KANSL3: variants seen among roughly 807,000 people sequenced by gnomAD.
KANSL3 encodes the protein NSL complex protein NSL3.
Under a neutral mutation model 89.2 loss-of-function variants are expected in KANSL3, and 16 were observed. The ratio of observed to expected loss-of-function variants is 0.18; its 90% CI spans 0.12 to 0.27. KANSL3 has a LOEUF of 0.27. KANSL3 is among the 10% of genes least tolerant of loss of function. The pLI is 1.00. For missense variants in KANSL3, 879 were observed against 1,110.6 expected (o/e 0.79, Z 2.96); for synonymous variants, 385 against 419.7 (o/e 0.92, Z 1.01).
intron 20 of KANSL3, 48 bp downstream of exon 20, chr2:96,601,595 C>T (rs1369866627): frequency 3.1e-6 from 5 of 1,595,024 alleles, no homozygotes; most frequent in Non-Finnish European, 3.4e-6. Context: ...TGGTCTTAAA[C>T]TTCCCAATAA....
intron 10 of KANSL3, 61 bp from the exon 11 acceptor site, chr2:96,610,944 A>T (rs879907639): frequency 3.8e-6 from 6 of 1,596,762 alleles, no homozygotes; most frequent in Non-Finnish European, 5.1e-6. Flanking sequence ...TGACCCAGAA[A>T]CTCCACTAAG....
chr2:96,630,422 A>G (rs2073171816), intron 3 of KANSL3, among the ~76,000 whole-genome samples: 1 of 124,918 alleles, frequency 8.0e-6, no homozygotes, highest in South Asian at 2.2e-4. Context: ...GCCAGTAGGA[A>G]AAGACCACAT....
In KANSL3 at chr2:96,631,473, G is replaced by A. The variant is rs368585928; in HGVS notation, c.225C>T (p.Asp75=). The A allele has an allele frequency of 7.0e-5, 110 of 1,567,798 alleles. 1 individual carries two copies. In the African/African-American group the frequency reaches 1.1e-3, roughly 15 times the overall value. Residue 75 remains aspartate, a synonymous_variant, in exon 3 of 21, where the codon GAC becomes GAT. Transcript: ENST00000431828. ...RRQHESTIES[D]VPIDVETVTS... is the part of the protein sequence containing the mutation. ...TGACCGTCTCCACATCTATTGGGAC[G>A]TCTGATTCACTGTAAACAGGTGAGG...
chr2:96,629,344 T>C (rs1020985329), intron 3 of KANSL3, among the ~76,000 whole-genome samples: 1 of 152,188 alleles, frequency 6.6e-6, no homozygotes, highest in East Asian at 1.9e-4. Context: ...TTTTTTGAGA[T>C]GGTGTTTCAC....
chr2:96,609,024 G>C lies in KANSL3; in HGVS notation c.1424C>G (p.Ala475Gly). 6 of 1,564,672 alleles carry C rather than the reference G, an allele frequency of 3.8e-6. No homozygotes were observed. Among genetic ancestry groups the C allele is most frequent in the Non-Finnish European group, 5.2e-6 (6 of 1,154,318 alleles). ...VDFLTGVLTR[A>G]EGHMGSEPRD... The stretch of plus-strand genomic sequence containing the variant: ...AGGTTCAGAGCCCATGTGACCCTCA[G>C]CACGAGTGAGCACTCCAGTCAGAAA... Residue 475 changes from alanine (A) to glycine (G), a missense_variant, in exon 13 of 21, where the codon GCT (alanine) becomes GGT (glycine). Physicochemically the swap from Ala to Gly is moderately conservative, Grantham distance 60. Coordinates refer to ENST00000431828, the MANE Select transcript of KANSL3 (RefSeq NM_001115016.3).
chr2:96,636,992 G>A lies in KANSL3; in HGVS notation c.144C>T (p.His48=). Residue 48 remains histidine, a synonymous_variant, in exon 2 of 21, where the codon CAC becomes CAT. Transcript: ENST00000431828. ...TGGGGCGGGCACTACTGGCATCTGG[G>A]TGGGCACTCCAAGGCTTGGCATAGC... The part of the protein sequence containing the change: ...DHSYAKPWSA[H]PDASSARPTR... The A allele has an allele frequency of 6.4e-7, 1 of 1,551,554 alleles. No individual in the cohort carries two copies. Among genetic ancestry groups the A allele is most frequent in the Non-Finnish European group, 8.7e-7 (1 of 1,146,920 alleles).
the KANSL3 span, among the ~76,000 whole-genome samples, chr2:96,586,577 ACTTC>A: frequency 2.0e-5 from 3 of 152,210 alleles, no homozygotes; most frequent in Non-Finnish European, 4.4e-5. Context: ...GTAAAAAATT[ACTTC>A]CTTGTTTTTT....
At chr2:96,604,484 A>G in intron 16 of KANSL3, 104 bp from the exon 17 acceptor site, 2 of 1,340,660 alleles carry the variant, frequency 1.5e-6, no homozygotes, top group South Asian at 2.8e-5. Flanking sequence ...TTTCAGCAGC[A>G]GACATACACC....
intron 3 of KANSL3, among the ~76,000 whole-genome samples, chr2:96,622,409 C>CAA (rs781666671): frequency 4.6e-5 from 5 of 108,158 alleles, no homozygotes; most frequent in Admixed American, 9.4e-5. Flanking sequence ...GACCTCGTCT[C>CAA]AAAAAAAAAA....
intron 2 of KANSL3, among the ~76,000 whole-genome samples, chr2:96,633,253 C>CA (rs1203356042): frequency 5.2e-4 from 71 of 137,408 alleles, no homozygotes; most frequent in Admixed American, 8.8e-4. Flanking sequence ...GACCTCGGCC[C>CA]AAAAAAAAAA....
intron 3 of KANSL3, among the ~76,000 whole-genome samples, chr2:96,629,875 T>A (rs903123318): frequency 2.6e-5 from 4 of 152,154 alleles, no homozygotes; most frequent in African/African-American, 9.7e-5. Context: ...ACTCCTGATA[T>A]AAGAAGTAAC....
intron 18 of KANSL3, among the ~76,000 whole-genome samples, chr2:96,602,544 A>T (rs2067334794): frequency 6.6e-6 from 1 of 152,242 alleles, no homozygotes; most frequent in Non-Finnish European, 1.5e-5. Flanking sequence ...TTTTATAGAC[A>T]AAGAAACAAA....
chr2:96,598,908 CAAAAAAAAA>C (rs10551331), intron 20 of KANSL3, among the ~76,000 whole-genome samples: 36 of 44,968 alleles, frequency 8.0e-4, no homozygotes, highest in African/African-American at 2.3e-3. Context: ...GAGACTGTCT[CAAAAAAAAA>C]AAAAAAAAAA....
chr2:96,623,878 C>T (rs535154518), intron 3 of KANSL3, among the ~76,000 whole-genome samples: 4 of 152,352 alleles, frequency 2.6e-5, no homozygotes, highest in Admixed American at 6.5e-5. Flanking sequence ...TCTTCAGAAG[C>T]GCCCTCCATC....
chr2:96,605,518 C>T lies in KANSL3; in HGVS notation c.1742-7G>A. 1 of 1,610,980 alleles carries T rather than the reference C, an allele frequency of 6.2e-7. No homozygotes were observed. Among genetic ancestry groups the T allele is most frequent in the Middle Eastern group, 1.7e-4 (1 of 6,042 alleles). On this transcript the variant is annotated splice_region_variant and splice_polypyrimidine_tract_variant and intron_variant, in intron 14 of 20. Coordinates refer to ENST00000431828, the MANE Select transcript of KANSL3 (RefSeq NM_001115016.3). ...GGTTCTGATGAAATGGGAACTAAGACATGGAGCTGAGTTGAGATCCTCCAC... is the reference window on the plus strand; with the variant it reads ...GGTTCTGATGAAATGGGAACTAAGATATGGAGCTGAGTTGAGATCCTCCAC...
chr2:96,600,662 C>CA (rs2067048430), intron 20 of KANSL3: 1 of 985,438 alleles, frequency 1.0e-6, no homozygotes, highest in Non-Finnish European at 1.2e-6. Context: ...GTACTAGACT[C>CA]AAACTGTTTT....
rs2066447652 is a variant in KANSL3 at position 96,595,430 on chromosome 2, G to C, written c.*181C>G. The C allele has an allele frequency of 1.7e-6, 1 of 579,830 alleles. No individual in the cohort carries two copies. Among genetic ancestry groups the C allele is most frequent in the Admixed American group, 3.2e-5 (1 of 30,972 alleles). 35.9% of individuals were successfully genotyped at this position (579,830 alleles called of 1,614,324 possible). A position where few individuals can be genotyped will look rare whatever the true frequency, so the allele number is the denominator to read the frequency against. The stretch of plus-strand genomic sequence containing the variant: ...GATCCTGGACGATGGTGCTTCCCTT[G>C]CTGGCACCGTATCACCTAACCTAAT... On this transcript the variant is annotated 3_prime_UTR_variant, in exon 21 of 21. Coordinates refer to ENST00000431828, the MANE Select transcript of KANSL3 (RefSeq NM_001115016.3).
intron 9 of KANSL3, among the ~76,000 whole-genome samples, chr2:96,611,937 G>GTGTGTGTGTGTGTGTGTGTGTGTGTA (rs1366567105): frequency 2.7e-5 from 4 of 150,262 alleles, no homozygotes; most frequent in African/African-American, 9.8e-5. Flanking sequence ...GTGTGTGTGT[G>GTGTGTGTGTGTGTGTGTGTGTGTGTA]TATGTGAAAA....
At chr2:96,601,053 G>A (rs1053267792) in intron 20 of KANSL3, 6 of 280,138 alleles carry the variant, frequency 2.1e-5, no homozygotes, top group South Asian at 1.4e-4. Flanking sequence ...TTCAGAGGCC[G>A]AGACAAGTAG....
Sources: gnomAD v4.1 joint callset for allele counts (sites outside exome capture counted in the v4.1 genomes callset) on GRCh38, gnomAD v4.1.1 for gene constraint, MANE v1.5 for transcripts, NCBI Gene and HGNC (gene_info 2026-07-23, HGNC 2026-07-21) for gene names.